ADGRL2: variants seen among roughly 807,000 people sequenced by gnomAD.
The protein encoded by ADGRL2 is adhesion G protein-coupled receptor L2.
A neutral mutation model predicts 157.4 loss-of-function variants in ADGRL2; 44 were observed. That is an observed-to-expected ratio of 0.28 (90% CI 0.22 to 0.36). The LOEUF is 0.36. Ranked by LOEUF, ADGRL2 falls within the 10% of genes least tolerant of loss-of-function variation. The probability of loss-of-function intolerance (pLI) is 1.00; values close to 1 mark genes in which losing one functional copy is unlikely to be tolerated. For synonymous variants in ADGRL2, 585 were observed against 624.7 expected (o/e 0.94, Z 0.95); for missense variants, 1,510 against 1,768.9 (o/e 0.85, Z 2.63).
chr1:81,932,208 G>A (rs2095243509), intron 3 of ADGRL2, among the ~76,000 whole-genome samples: 1 of 152,032 alleles, frequency 6.6e-6, no homozygotes, highest in Non-Finnish European at 1.5e-5. Context: ...CAATTTTAGT[G>A]TTTCGTTAGC....
intron 1 of ADGRL2, among the ~76,000 whole-genome samples, chr1:81,433,515 A>C (rs1043256330): frequency 2.0e-5 from 3 of 152,124 alleles, no homozygotes; most frequent in African/African-American, 7.2e-5. Context: ...AGTCAGGAGC[A>C]CCCTGTGAAA....
At chr1:81,433,371 T>C (rs1030372703) in intron 1 of ADGRL2, among the ~76,000 whole-genome samples, 8 of 152,188 alleles carry the variant, frequency 5.3e-5, no homozygotes, top group African/African-American at 1.9e-4. Flanking sequence ...GACAACATAA[T>C]ACTTCAGGTC....
At chr1:81,719,535 C>T (rs1299091072) in intron 1 of ADGRL2, among the ~76,000 whole-genome samples, 2 of 152,100 alleles carry the variant, frequency 1.3e-5, no homozygotes, top group African/African-American at 4.8e-5. Context: ...TGGCTGTTAT[C>T]ATGTCAAATC....
Position 81,869,559 on chromosome 1 carries a change from C to G in ADGRL2, c.73+32502C>G, listed in dbSNP as rs541238641. On this transcript the variant is annotated intron_variant, in intron 2 of 23. Coordinates refer to ENST00000686636, the MANE Select transcript of ADGRL2 (RefSeq NM_001366006.2). Reference sequence around the variant, plus strand: ...TAACTAAGTAGACACATAAAAACATCATGATAGGAAAGTACTAATATATGT... The same window carrying G: ...TAACTAAGTAGACACATAAAAACATGATGATAGGAAAGTACTAATATATGT... Among the ~76,000 whole-genome samples the G allele has an allele frequency of 7.2e-5, 11 of 152,112 alleles. No individual in the cohort carries two copies. The East Asian group carries it at 1.9e-3, about 27-fold the overall frequency.
chr1:81,621,521 G>T (rs1411811174), intron 3 of ADGRL2, among the ~76,000 whole-genome samples: 2 of 152,156 alleles, frequency 1.3e-5, no homozygotes, highest in African/African-American at 4.8e-5. Flanking sequence ...AAGGCCTCAG[G>T]GCATCCTTTA....
chr1:81,783,596 A>T (rs1386508100), intron 2 of ADGRL2, among the ~76,000 whole-genome samples: 1 of 152,234 alleles, frequency 6.6e-6, no homozygotes, highest in African/African-American at 2.4e-5. Flanking sequence ...GAGTGAGCAG[A>T]TCCTTCAAAA....
At chr1:81,815,329 T>C (rs1398144086) in intron 1 of ADGRL2, among the ~76,000 whole-genome samples, 1 of 151,852 alleles carries the variant, frequency 6.6e-6, no homozygotes, top group African/African-American at 2.4e-5. Flanking sequence ...TAGTCCAACA[T>C]TTTACTATTT....
rs551790644 is a variant in ADGRL2, at chr1:81,454,059, G to T, written c.-248+8970G>T. Among the ~76,000 whole-genome samples, 72 of 152,248 alleles carry T rather than the reference G, an allele frequency of 4.7e-4. 1 individual carries two copies. The highest frequency in any genetic ancestry group is 2.7e-3 in the South Asian group (13 of 4,826). On this transcript the variant is annotated intron_variant, in intron 2 of 24. Coordinates refer to the ADGRL2 transcript ENST00000370721. The stretch of plus-strand genomic sequence containing the variant: ...CCGGCAAATAATGTTTCGTTTAAAA[G>T]AAATTGAATGAGGATTACTGACAGA...
chr1:81,809,781 A>C (rs2089629560), intron 1 of ADGRL2, among the ~76,000 whole-genome samples: 1 of 151,972 alleles, frequency 6.6e-6, no homozygotes, highest in Non-Finnish European at 1.5e-5. Context: ...GTTGGCTAAA[A>C]ATTAGGAAGT....
At chr1:81,892,118 T>A (rs2094284146) in intron 2 of ADGRL2, among the ~76,000 whole-genome samples, 1 of 152,070 alleles carries the variant, frequency 6.6e-6, no homozygotes, top group Admixed American at 6.6e-5. Flanking sequence ...TGAATTAATT[T>A]AATATCATGA....
intron 1 of ADGRL2, among the ~76,000 whole-genome samples, chr1:81,384,690 G>C (rs1557646590): frequency 6.6e-6 from 1 of 152,064 alleles, no homozygotes; most frequent in Non-Finnish European, 1.5e-5. Flanking sequence ...TATATGACCT[G>C]AAACATTTGA....
At chr1:81,519,218 C>A (rs2079253303) in intron 2 of ADGRL2, among the ~76,000 whole-genome samples, 1 of 152,164 alleles carries the variant, frequency 6.6e-6, no homozygotes. Flanking sequence ...GACATCATGG[C>A]AAAATGAACA....
chr1:81,920,503 T>C (rs536805279), intron 3 of ADGRL2, among the ~76,000 whole-genome samples: 128 of 151,280 alleles, frequency 8.5e-4, no homozygotes, highest in African/African-American at 3.1e-3. Flanking sequence ...GCTGAAGGGA[T>C]CTTAAACTCT....
At chr1:81,669,739 G>A (rs1014610321) in intron 3 of ADGRL2, among the ~76,000 whole-genome samples, 9 of 151,912 alleles carry the variant, frequency 5.9e-5, no homozygotes, top group African/African-American at 1.2e-4. Flanking sequence ...TCAGGAGATC[G>A]AGACCATCCT....
chr1:81,727,499 C>G (rs1163467340), intron 1 of ADGRL2, among the ~76,000 whole-genome samples: 3 of 152,038 alleles, frequency 2.0e-5, no homozygotes. Context: ...GTGGCATGAT[C>G]TCAGCTCACC....
chr1:81,976,247 T>C (rs1660161117), intron 17 of ADGRL2, among the ~76,000 whole-genome samples: 1 of 152,040 alleles, frequency 6.6e-6, no homozygotes, highest in African/African-American at 2.4e-5. Context: ...TTCAGTATTA[T>C]TTTGCCATCT....
chr1:81,388,618 G>C (rs1570804524), intron 1 of ADGRL2, among the ~76,000 whole-genome samples: 1 of 152,058 alleles, frequency 6.6e-6, no homozygotes. Context: ...TGTAAAAGAG[G>C]CCCAAAGGAG....
At chr1:81,838,752 C>T (rs895499786) in intron 2 of ADGRL2, among the ~76,000 whole-genome samples, 5 of 151,980 alleles carry the variant, frequency 3.3e-5, no homozygotes, top group African/African-American at 1.2e-4. Flanking sequence ...CAGTGGGGGG[C>T]TAGCAAACAG....
At chr1:81,333,780 AT>A (rs1553154310) in intron 1 of ADGRL2, among the ~76,000 whole-genome samples, 4 of 151,816 alleles carry the variant, frequency 2.6e-5, no homozygotes, top group African/African-American at 7.2e-5. Context: ...AAAAAAAAAA[AT>A]TCCTTACTTC....
Sources: allele counts gnomAD v4.1 joint callset (sites outside exome capture counted in the v4.1 genomes callset), GRCh38; gene constraint gnomAD v4.1.1; transcripts MANE v1.5; gene names NCBI Gene and HGNC (gene_info 2026-07-23, HGNC 2026-07-21).